Variants in NEK1 observed in about 807,000 individuals in gnomAD.
NEK1 encodes the protein NIMA related kinase 1, also known as serine/threonine-protein kinase Nek1.
NEK1 carries 137 observed loss-of-function variants against 182.1 expected under a neutral mutation model. That is an observed-to-expected ratio of 0.75 (90% confidence interval 0.65 to 0.87). The LOEUF (loss-of-function observed/expected upper bound fraction) is 0.87. Ranked by LOEUF, NEK1 falls within the 40% of genes least tolerant of loss-of-function variation. The pLI, the probability that NEK1 is intolerant of heterozygous loss-of-function variation, is 0.00. For synonymous variants in NEK1, 513 were observed against 492.2 expected (o/e 1.04, Z -0.56); for missense variants, 1,391 against 1,494.4 (o/e 0.93, Z 1.14).
chr4:169,607,549 A>G (rs1581122844), intron 2 of NEK1, among the ~76,000 whole-genome samples: 1 of 151,974 alleles, frequency 6.6e-6, no homozygotes, highest in South Asian at 2.1e-4. Context: ...TGCAAGCTCC[A>G]CCTCCCAGGT....
chr4:169,508,898 CATT>C (rs1753750035), intron 19 of NEK1, 46 bp from the exon 20 acceptor site: 2 of 1,431,706 alleles, frequency 1.4e-6, no homozygotes, highest in Non-Finnish European at 1.9e-6. Flanking sequence ...ACTAAGGCTA[CATT>C]ATTATCTTAC....
At chr4:169,490,289 T>A (rs1749819209) in intron 23 of NEK1, among the ~76,000 whole-genome samples, 1 of 152,094 alleles carries the variant, frequency 6.6e-6, no homozygotes. Context: ...ACAGAGCCAA[T>A]GCACCCTGCT....
At chr4:169,596,127 T>A (rs372259340) in intron 5 of NEK1, among the ~76,000 whole-genome samples, 3 of 152,106 alleles carry the variant, frequency 2.0e-5, no homozygotes, top group East Asian at 3.9e-4. Context: ...CAGGTGAAAT[T>A]TGGTAGAGAA....
chr4:169,398,499 T>C (rs1731098438), intron 35 of NEK1, among the ~76,000 whole-genome samples: 1 of 152,214 alleles, frequency 6.6e-6, no homozygotes, highest in Non-Finnish European at 1.5e-5. Context: ...ACTAAAATGT[T>C]TTGTCTCATG....
chr4:169,473,818 C>A (rs373923378), intron 26 of NEK1, among the ~76,000 whole-genome samples: 10 of 152,036 alleles, frequency 6.6e-5, no homozygotes, highest in Non-Finnish European at 1.3e-4. Flanking sequence ...TGTGAGCACA[C>A]GTGCGTGTGG....
At chr4:169,535,891 A>AAAG (rs1052845978) in intron 19 of NEK1, among the ~76,000 whole-genome samples, 2 of 151,668 alleles carry the variant, frequency 1.3e-5, no homozygotes, top group African/African-American at 4.8e-5. Flanking sequence ...AAAAAAAAAA[A>AAAG]AAAAAGAAAA....
At chr4:169,459,827 G>A (rs998878104) in intron 27 of NEK1, among the ~76,000 whole-genome samples, 2 of 152,148 alleles carry the variant, frequency 1.3e-5, no homozygotes, top group African/African-American at 4.8e-5. Flanking sequence ...TTCTGGAAAA[G>A]ACAAAACTAT....
chr4:169,527,939 A>T (rs1374897099), intron 19 of NEK1, among the ~76,000 whole-genome samples: 1 of 152,138 alleles, frequency 6.6e-6, no homozygotes, highest in Non-Finnish European at 1.5e-5. Flanking sequence ...ACTATAAAAA[A>T]CTCACCTCAA....
intron 13 of NEK1, 121 bp from the exon 14 acceptor site, chr4:169,562,012 AAG>A: frequency 6.3e-6 from 7 of 1,114,306 alleles, no homozygotes; most frequent in East Asian, 2.6e-5. Context: ...TAAAAAAAAA[AAG>A]AAGTTATAGG....
At chr4:169,450,582 T>A (rs1156665030) in intron 27 of NEK1, among the ~76,000 whole-genome samples, 1 of 152,090 alleles carries the variant, frequency 6.6e-6, no homozygotes, top group East Asian at 1.9e-4. Flanking sequence ...CCAAACTAAG[T>A]TTCATAAGTG....
At chr4:169,397,043 G>A (rs937731687) in intron 35 of NEK1, among the ~76,000 whole-genome samples, 5 of 152,064 alleles carry the variant, frequency 3.3e-5, no homozygotes, top group Admixed American at 1.3e-4. Context: ...TCAACATGGC[G>A]AAATGCCATC....
chr4:169,524,469 A>AC (rs1756581910), intron 19 of NEK1, among the ~76,000 whole-genome samples: 1 of 151,790 alleles, frequency 6.6e-6, no homozygotes, highest in African/African-American at 2.4e-5. Flanking sequence ...CTCAAAAAAA[A>AC]AAAAAAAAAA....
chr4:169,561,143 T>TA (rs1364895202), intron 16 of NEK1, among the ~76,000 whole-genome samples: 1 of 152,200 alleles, frequency 6.6e-6, no homozygotes, highest in Non-Finnish European at 1.5e-5. Flanking sequence ...TCTGAGAACT[T>TA]AATCTTCAAG....
intron 12 of NEK1, among the ~76,000 whole-genome samples, chr4:169,565,741 A>G (rs892149798): frequency 6.6e-6 from 1 of 152,238 alleles, no homozygotes; most frequent in African/African-American, 2.4e-5. Context: ...TAAAATGTTC[A>G]GATTAAGCAA....
intron 31 of NEK1, among the ~76,000 whole-genome samples, chr4:169,410,346 G>C (rs1414677272): frequency 6.6e-6 from 1 of 151,870 alleles, no homozygotes; most frequent in Non-Finnish European, 1.5e-5. Context: ...CAAAGATGTA[G>C]AGAAACATAT....
At position 169,477,220 on chromosome 4, in the gene NEK1, ATTT is replaced by A; in HGVS notation, c.2335_2337del (p.Lys779del). On this transcript the variant is annotated inframe_deletion, in exon 26 of 36. Transcript: ENST00000507142. ...CACTTCTTGCGATCAGATGAAACTG[ATTT>A]TTCTTTTTCATGCTCTTTGGCATCT... The A allele has an allele frequency of 6.2e-7, 1 of 1,606,480 alleles. No individual in the cohort carries two copies. Among genetic ancestry groups the A allele is most frequent in the East Asian group, 2.2e-5 (1 of 44,690 alleles).
At chr4:169,483,891 A>C (rs1043873155) in intron 23 of NEK1, among the ~76,000 whole-genome samples, 2 of 149,208 alleles carry the variant, frequency 1.3e-5, no homozygotes, top group African/African-American at 4.9e-5. Context: ...AAAAGTTACT[A>C]CAAATAACTT....
intron 19 of NEK1, among the ~76,000 whole-genome samples, chr4:169,514,518 G>GC (rs1217469824): frequency 5.3e-5 from 8 of 152,154 alleles, no homozygotes; most frequent in Admixed American, 2.0e-4. Context: ...ATTTTCAATA[G>GC]TTTTTGAATC....
intron 5 of NEK1, among the ~76,000 whole-genome samples, chr4:169,595,694 C>T (rs751068627): frequency 4.2e-4 from 64 of 151,918 alleles, no homozygotes; most frequent in Non-Finnish European, 7.8e-4. Context: ...GAGGCAGAGG[C>T]GGGCGGATCA....
Sources: allele counts gnomAD v4.1 joint callset (sites outside exome capture counted in the v4.1 genomes callset), GRCh38; gene constraint gnomAD v4.1.1; transcripts MANE v1.5; gene names NCBI Gene and HGNC (gene_info 2026-07-23, HGNC 2026-07-21).